The following TSG101 variants were observed in gnomAD, a reference collection of about 807,000 sequenced individuals.
The protein encoded by TSG101 is tumor susceptibility 101, also known as tumor susceptibility gene 101 protein.
A neutral mutation model predicts 48.5 loss-of-function variants in TSG101; 19 were observed. That is an observed-to-expected ratio of 0.39 (90% confidence interval 0.27 to 0.58). The LOEUF is 0.58. Among genes scored for constraint, TSG101 ranks in the 20% least tolerant of loss-of-function variants. The pLI is 0.55. For missense variants in TSG101, 365 were observed against 484.4 expected, an observed-to-expected ratio of 0.75 and a Z score of 2.31; for synonymous variants, 174 against 169.4, an observed-to-expected ratio of 1.03 and a Z score of -0.21.
chr11:18,486,944 AATG>A (rs1300221955), intron 7 of TSG101, among the ~76,000 whole-genome samples: 4 of 151,962 alleles, frequency 2.6e-5, no homozygotes, highest in Non-Finnish European at 4.4e-5. Context: ...AGCCATAAAA[AATG>A]ATGAGTTCAT....
At chr11:18,522,809 C>G (rs1019782910) in intron 1 of TSG101, among the ~76,000 whole-genome samples, 1 of 152,204 alleles carries the variant, frequency 6.6e-6, no homozygotes, top group Non-Finnish European at 1.5e-5. Context: ...TGTTGTTCCT[C>G]TATCATGCAT....
intron 6 of TSG101, among the ~76,000 whole-genome samples, chr11:18,506,552 A>C (rs1849976771): frequency 6.6e-6 from 1 of 151,916 alleles, no homozygotes; most frequent in Non-Finnish European, 1.5e-5. Flanking sequence ...TTAGCCGGGA[A>C]TGGTGGCACA....
At chr11:18,495,923 C>CA (rs36092798) in intron 7 of TSG101, among the ~76,000 whole-genome samples, 1,854 of 105,762 alleles carry the variant, frequency 0.018, 27 homozygotes, top group Middle Eastern at 0.051. Flanking sequence ...GACTCCGTCT[C>CA]AAAAAAAAAA....
intron 7 of TSG101, among the ~76,000 whole-genome samples, chr11:18,496,511 T>TAAAATAAA: frequency 7.7e-6 from 1 of 129,106 alleles, no homozygotes; most frequent in East Asian, 2.6e-4. Flanking sequence ...ATAAAATAAA[T>TAAAATAAA]CTACAGAGTG....
At chr11:18,497,838 C>A (rs933415292) in intron 7 of TSG101, among the ~76,000 whole-genome samples, 1 of 152,108 alleles carries the variant, frequency 6.6e-6, no homozygotes, top group Non-Finnish European at 1.5e-5. Context: ...TTTAATAAAT[C>A]AAAACCACAC....
rs539356147 is a variant in TSG101 at position 18,498,535 on chromosome 11, G to A, written c.640+3951C>T. 8.2e-4 allele frequency among the ~76,000 whole-genome samples: 125 copies of A among 152,272 alleles called. 2 individuals carry two copies. In the South Asian group the frequency reaches 0.025, roughly 30 times the overall value. ...GAGGAGTCAAGGATGACTCCAAAGA[G>A]TATAGAGTAGGTAACAATGGAGATG... On this transcript the variant is annotated intron_variant, in intron 7 of 9. Coordinates refer to ENST00000251968, the MANE Select transcript of TSG101 (RefSeq NM_006292.4).
At chr11:18,521,780 A>G (rs1305741966) in intron 1 of TSG101, among the ~76,000 whole-genome samples, 1 of 146,094 alleles carries the variant, frequency 6.8e-6, no homozygotes, top group East Asian at 2.0e-4. Flanking sequence ...AGGCTCAAGC[A>G]ATCCTCCCAT....
chr11:18,519,070 G>A (rs1362593251), intron 2 of TSG101, among the ~76,000 whole-genome samples: 1 of 151,934 alleles, frequency 6.6e-6, no homozygotes, highest in Non-Finnish European at 1.5e-5. Context: ...GCCCGATCTC[G>A]GCTCACTGCA....
chr11:18,509,776 G>A, intron 4 of TSG101, 111 bp from the exon 5 acceptor site: 1 of 1,177,572 alleles, frequency 8.5e-7, no homozygotes, highest in Non-Finnish European at 1.1e-6. Flanking sequence ...TTTCTTTGTA[G>A]GACCCCAATC....
intron 4 of TSG101, among the ~76,000 whole-genome samples, chr11:18,513,800 C>T (rs1449833574): frequency 6.6e-6 from 1 of 152,160 alleles, no homozygotes; most frequent in Non-Finnish European, 1.5e-5. Flanking sequence ...GTAGGCTGGG[C>T]ATGGTGGCTT....
intron 2 of TSG101, among the ~76,000 whole-genome samples, chr11:18,518,401 C>T (rs758888331): frequency 8.5e-5 from 13 of 152,178 alleles, no homozygotes; most frequent in African/African-American, 1.2e-4. Flanking sequence ...CTAAGGGACT[C>T]ACAATGGACA....
chr11:18,524,102 T>C (rs2133936161), intron 1 of TSG101, among the ~76,000 whole-genome samples: 1 of 152,368 alleles, frequency 6.6e-6, no homozygotes, highest in African/African-American at 2.4e-5. Flanking sequence ...CACAGTTTTC[T>C]TCTACTCATT....
chr11:18,523,627 C>A (rs1190703512), intron 1 of TSG101, among the ~76,000 whole-genome samples: 15 of 152,082 alleles, frequency 9.9e-5, no homozygotes, highest in Non-Finnish European at 2.9e-5. Flanking sequence ...CTCAGCTTCC[C>A]GAGTAGCTGG....
At chr11:18,488,503 AGCAT>A (rs1227409231) in intron 7 of TSG101, among the ~76,000 whole-genome samples, 2 of 152,204 alleles carry the variant, frequency 1.3e-5, no homozygotes, top group Admixed American at 1.3e-4. Flanking sequence ...GGCACTAAAA[AGCAT>A]GATCAGGGCC....
At chr11:18,526,745 C>T in intron 1 of TSG101, 30 bp downstream of exon 1, 2 of 1,596,768 alleles carry the variant, frequency 1.3e-6, no homozygotes, top group Non-Finnish European at 1.7e-6. Flanking sequence ...GGTGGGCGCG[C>T]CCTGGGAGGC....
At chr11:18,499,402 A>ATTTTTTTTTTTTTTTTT (rs1160424288) in intron 7 of TSG101, among the ~76,000 whole-genome samples, 1 of 5,456 alleles carries the variant, frequency 1.8e-4, no homozygotes, top group Non-Finnish European at 3.5e-4. Flanking sequence ...ATATATATAT[A>ATTTTTTTTTTTTTTTTT]TTTTTTTTTT....
intron 7 of TSG101, among the ~76,000 whole-genome samples, chr11:18,488,075 T>C (rs780618313): frequency 6.6e-6 from 1 of 152,136 alleles, no homozygotes; most frequent in Non-Finnish European, 1.5e-5. Context: ...CTAGACAATA[T>C]AACCATCACA....
intron 1 of TSG101, among the ~76,000 whole-genome samples, chr11:18,524,355 G>A (rs1311626001): frequency 1.3e-5 from 2 of 152,072 alleles, no homozygotes; most frequent in Admixed American, 6.5e-5. Flanking sequence ...TAAAACATAA[G>A]GCAGGTGGCC....
chr11:18,495,353 A>G (rs1231429256), intron 7 of TSG101, among the ~76,000 whole-genome samples: 3 of 152,262 alleles, frequency 2.0e-5, no homozygotes, highest in African/African-American at 7.2e-5. Flanking sequence ...ATTCAGAGCT[A>G]TAAATCAACT....
Sources: gnomAD v4.1 joint callset for allele counts (sites outside exome capture counted in the v4.1 genomes callset) on GRCh38, gnomAD v4.1.1 for gene constraint, MANE v1.5 for transcripts, NCBI Gene and HGNC (gene_info 2026-07-23, HGNC 2026-07-21) for gene names.